PDE1A: variants seen among roughly 807,000 people sequenced by gnomAD.
The protein encoded by PDE1A is phosphodiesterase 1A, also known as dual specificity calcium/calmodulin-dependent 3',5'-cyclic nucleotide phosphodiesterase 1A.
Under a neutral mutation model 61.7 loss-of-function variants are expected in PDE1A, and 35 were observed. The observed-to-expected ratio is 0.57, with a 90% CI of 0.43 to 0.75. PDE1A has a LOEUF of 0.75. Among genes scored for constraint, PDE1A ranks in the 30% least tolerant of loss-of-function variants. The pLI is 0.00. For synonymous variants in PDE1A, 232 were observed against 213.2 expected (o/e 1.09, Z -0.77); for missense variants, 597 against 630.6 (o/e 0.95, Z 0.57).
intron 3 of PDE1A, among the ~76,000 whole-genome samples, chr2:182,237,647 A>G (rs570262104): frequency 7.2e-5 from 11 of 152,274 alleles, no homozygotes; most frequent in Admixed American, 2.0e-4. Context: ...TATGATTACA[A>G]ACAGGGATAA....
At chr2:182,367,118 T>A (rs1008494109) in intron 1 of PDE1A, among the ~76,000 whole-genome samples, 2 of 152,022 alleles carry the variant, frequency 1.3e-5, no homozygotes, top group African/African-American at 4.8e-5. Flanking sequence ...AAATGGTTTA[T>A]AAAATTTTCA....
intron 12 of PDE1A, 118 bp from the exon 13 acceptor site, chr2:182,186,197 G>T: frequency 9.3e-7 from 1 of 1,072,314 alleles, no homozygotes; most frequent in Non-Finnish European, 1.3e-6. Flanking sequence ...CTCAGTCCCA[G>T]TTCTGAGCAC....
intron 1 of PDE1A, among the ~76,000 whole-genome samples, chr2:182,356,413 A>T: frequency 6.6e-6 from 1 of 152,304 alleles, no homozygotes; most frequent in East Asian, 1.9e-4. Context: ...ATTAATGTCA[A>T]TTAGTAATTA....
intron 2 of PDE1A, among the ~76,000 whole-genome samples, chr2:182,484,806 C>G (rs1225626537): frequency 6.6e-6 from 1 of 151,586 alleles, no homozygotes; most frequent in Non-Finnish European, 1.5e-5. Flanking sequence ...AAATAAAAAC[C>G]GCAATGAGAC....
At chr2:182,432,031 A>G (rs1290981046), upstream of PDE1A, among the ~76,000 whole-genome samples, 6 of 152,130 alleles carry the variant, frequency 3.9e-5, no homozygotes, top group Admixed American at 3.9e-4. Flanking sequence ...TAAGATATGA[A>G]TGAAAGTTCT....
At chr2:182,286,290 G>A (rs1173464562) in intron 1 of PDE1A, among the ~76,000 whole-genome samples, 1 of 151,962 alleles carries the variant, frequency 6.6e-6, no homozygotes, top group Non-Finnish European at 1.5e-5. Flanking sequence ...GAGCAACTTA[G>A]GGGTCCTCCC....
chr2:182,299,887 C>G (rs994393348), intron 1 of PDE1A, among the ~76,000 whole-genome samples: 1 of 152,254 alleles, frequency 6.6e-6, no homozygotes, highest in African/African-American at 2.4e-5. Flanking sequence ...GAAAGTCACA[C>G]CGGTGCATTG....
chr2:182,258,121 T>C (rs551596351), intron 2 of PDE1A, among the ~76,000 whole-genome samples: 207 of 151,946 alleles, frequency 1.4e-3, no homozygotes, highest in East Asian at 2.9e-3. Context: ...TGAGCCGAGA[T>C]TGTGCCACTG....
the PDE1A span, among the ~76,000 whole-genome samples, chr2:182,553,687 G>C: frequency 6.6e-6 from 1 of 152,220 alleles, no homozygotes; most frequent in East Asian, 1.9e-4. Context: ...ACTTGCCTGG[G>C]AGGAGTTGAG....
intron 1 of PDE1A, among the ~76,000 whole-genome samples, chr2:182,277,347 G>A (rs947436866): frequency 6.6e-6 from 1 of 152,036 alleles, no homozygotes; most frequent in African/African-American, 2.4e-5. Context: ...CCAACACTTA[G>A]GGAAAATGGA....
chr2:182,537,010 G>C, the PDE1A span, among the ~76,000 whole-genome samples: 1 of 152,186 alleles, frequency 6.6e-6, no homozygotes, highest in Non-Finnish European at 1.5e-5. Flanking sequence ...GATGATCCCA[G>C]CCATAGCCGC....
rs1360336091 is a variant in PDE1A at position 182,453,286 on chromosome 2, T to G, written c.101+68990A>C. 2.0e-5 allele frequency among the ~76,000 whole-genome samples: 3 copies of G among 152,048 alleles called. No individual in the cohort carries two copies. The East Asian group carries it at 5.8e-4, about 29-fold the overall frequency. ...GAAGCTGATACGGTGATGAAAGAGC[T>G]CAAAAAGCTTTTTGGGATACCACTT... On this transcript the variant is annotated intron_variant, in intron 2 of 14. Coordinates refer to the PDE1A transcript ENST00000410103.
At chr2:182,457,988 T>A (rs969787954) in intron 2 of PDE1A, among the ~76,000 whole-genome samples, 1 of 152,098 alleles carries the variant, frequency 6.6e-6, no homozygotes, top group East Asian at 1.9e-4. Context: ...AAAATTTCTA[T>A]ACATCCTCTA....
chr2:182,260,579 G>T (rs1158272245), intron 2 of PDE1A, among the ~76,000 whole-genome samples: 1 of 152,074 alleles, frequency 6.6e-6, no homozygotes, highest in Non-Finnish European at 1.5e-5. Context: ...GGTAATCTTA[G>T]GTCTGACCTG....
chr2:182,531,117 CTATT>C, the PDE1A span, among the ~76,000 whole-genome samples: 1 of 151,124 alleles, frequency 6.6e-6, no homozygotes, highest in East Asian at 1.9e-4. Flanking sequence ...TCAAAAATAG[CTATT>C]TAAACAAATA....
At chr2:182,230,113 C>T (rs767848851) in exon 6 of PDE1A, 2 of 1,612,972 alleles carry the variant, frequency 1.2e-6, no homozygotes, top group East Asian at 2.2e-5. Context: ...ACTTCTAAAG[C>T]TTCTGCAAAG....
intron 1 of PDE1A, among the ~76,000 whole-genome samples, chr2:182,325,424 G>A (rs1559338883): frequency 6.6e-6 from 1 of 152,014 alleles, no homozygotes; most frequent in Non-Finnish European, 1.5e-5. Context: ...TATTGGATAT[G>A]ACACCAAAAA....
intron 7 of PDE1A, among the ~76,000 whole-genome samples, chr2:182,219,690 T>C (rs985346472): frequency 6.6e-6 from 1 of 152,100 alleles, no homozygotes; most frequent in Admixed American, 6.6e-5. Context: ...GGCTTTTCAG[T>C]GGGTAAAGTC....
At chr2:182,492,074 T>A (rs771501884) in intron 2 of PDE1A, among the ~76,000 whole-genome samples, 1 of 152,276 alleles carries the variant, frequency 6.6e-6, no homozygotes, top group Admixed American at 6.5e-5. Context: ...TCATTTCCTA[T>A]CATCTTGCTT....
Sources: gnomAD v4.1 joint callset for allele counts (sites outside exome capture counted in the v4.1 genomes callset) on GRCh38, gnomAD v4.1.1 for gene constraint, MANE v1.5 for transcripts, NCBI Gene and HGNC (gene_info 2026-07-23, HGNC 2026-07-21) for gene names.